Variants in CRYBG3 observed in about 807,000 individuals in gnomAD.
CRYBG3 encodes crystallin beta-gamma domain containing 3.
CRYBG3 carries 127 observed loss-of-function variants against 244.2 expected under a neutral mutation model. That is an observed-to-expected ratio of 0.52 (90% CI 0.45 to 0.60). The LOEUF is 0.60. Ranked by LOEUF, CRYBG3 falls within the 20% of genes least tolerant of loss-of-function variation. CRYBG3 has a pLI of 0.00. For missense variants in CRYBG3, 3,325 were observed against 3,442.5 expected, an observed-to-expected ratio of 0.97 and a Z score of 0.85; for synonymous variants, 1,132 against 1,195.8, an observed-to-expected ratio of 0.95 and a Z score of 1.10.
rs528142107 is a variant in CRYBG3, at chr3:97,894,701, T to C, written c.7575-1258T>C. On this transcript the variant is annotated intron_variant, in intron 11 of 21. Coordinates refer to ENST00000389622, the MANE Select transcript of CRYBG3 (RefSeq NM_153605.4). ...TTAAGGTCTTTTATACCTTTTATTT[T>C]TTTTCCCATTCAGATATAAATAAAA... Among the ~76,000 whole-genome samples the C allele has an allele frequency of 5.9e-5, 9 of 152,282 alleles. 1 individual carries two copies. Among genetic ancestry groups the C allele is most frequent in the African/African-American group, 2.2e-4 (9 of 41,548 alleles).
In CRYBG3 at chr3:97,873,862, A is replaced by C. The variant is rs749227570; in HGVS notation, c.2668A>C (p.Asn890His). 6.5e-7 allele frequency: 1 copy of C among 1,535,522 alleles called. No homozygotes were observed. Among genetic ancestry groups the C allele is most frequent in the Non-Finnish European group, 8.7e-7 (1 of 1,146,704 alleles). The part of the protein sequence containing the change: ...VEQGKRFQSI[N>H]HNEIGEKCSD... ...ACAGGGCAAACGTTTTCAATCAATT[A>C]ATCATAATGAGATAGGAGAGAAATG... Residue 890 changes from asparagine to histidine, a missense_variant, in exon 4 of 22, where the codon AAT becomes CAT. Asn to His is a moderately conservative substitution (Grantham distance 68). Transcript: ENST00000389622.
intron 7 of CRYBG3, among the ~76,000 whole-genome samples, chr3:97,885,575 A>C (rs936480705): frequency 1.3e-5 from 2 of 152,154 alleles, no homozygotes; most frequent in African/African-American, 4.8e-5. Context: ...AGAAGGGATA[A>C]GGTCTTTTTT....
chr3:97,853,103 C>T (rs1384514454), intron 2 of CRYBG3, among the ~76,000 whole-genome samples: 1 of 151,922 alleles, frequency 6.6e-6, no homozygotes, highest in Non-Finnish European at 1.5e-5. Context: ...TTTTGGTATA[C>T]CCATCACCCA....
intron 2 of CRYBG3, among the ~76,000 whole-genome samples, chr3:97,858,165 G>A: frequency 7.2e-6 from 1 of 139,830 alleles, no homozygotes; most frequent in East Asian, 2.0e-4. Context: ...TTTTAGTTGA[G>A]TTTTTTTTTT....
chr3:97,853,075 T>C (rs1396199373), intron 2 of CRYBG3, among the ~76,000 whole-genome samples: 5 of 152,172 alleles, frequency 3.3e-5, no homozygotes, highest in Non-Finnish European at 7.3e-5. Context: ...ATAAGTACTT[T>C]AGTGGTGATT....
rs112404401 is a variant in CRYBG3 at position 97,850,643 on chromosome 3, A to G, written c.216+7382A>G. ...CTACCTTGCCTGTTGTCATTTTCTA[A>G]TGAAAAGAATAACTCTGTGATAACG... On this transcript the variant is annotated intron_variant, in intron 2 of 21. Transcript: ENST00000389622. Among the ~76,000 whole-genome samples, 9 of 152,328 alleles carry G rather than the reference A, an allele frequency of 5.9e-5. 1 individual carries two copies. The highest frequency in any genetic ancestry group is 2.2e-4 in the African/African-American group (9 of 41,574).
At chr3:97,895,299 G>C (rs2039626927) in intron 11 of CRYBG3, among the ~76,000 whole-genome samples, 1 of 152,182 alleles carries the variant, frequency 6.6e-6, no homozygotes, top group African/African-American at 2.4e-5. Flanking sequence ...ATAACTCATG[G>C]TATTTATCAG....
At chr3:97,837,541 G>T (rs1481424612) in intron 1 of CRYBG3, among the ~76,000 whole-genome samples, 2 of 152,146 alleles carry the variant, frequency 1.3e-5, no homozygotes, top group Non-Finnish European at 2.9e-5. Context: ...TCTCAAGTGG[G>T]AGGATAATTT....
At chr3:97,908,465 C>T (rs2039805707) in intron 15 of CRYBG3, among the ~76,000 whole-genome samples, 1 of 152,164 alleles carries the variant, frequency 6.6e-6, no homozygotes, top group African/African-American at 2.4e-5. Context: ...GGACAGTTAG[C>T]TCTTCTTGTT....
intron 12 of CRYBG3, among the ~76,000 whole-genome samples, chr3:97,898,151 CA>C (rs1248015119): frequency 6.7e-6 from 1 of 149,824 alleles, no homozygotes; most frequent in African/African-American, 2.5e-5. Flanking sequence ...ACCTGGGAGG[CA>C]GAGGTTGCAG....
intron 12 of CRYBG3, among the ~76,000 whole-genome samples, chr3:97,898,292 T>G (rs2039662736): frequency 6.6e-6 from 1 of 152,114 alleles, no homozygotes; most frequent in African/African-American, 2.4e-5. Context: ...ACTAATGAAA[T>G]TAGACATTTG....
At chr3:97,828,297 A>C (rs953743805) in intron 1 of CRYBG3, among the ~76,000 whole-genome samples, 16 of 152,178 alleles carry the variant, frequency 1.1e-4, no homozygotes, top group Non-Finnish European at 2.4e-4. Context: ...ATTTCAGGGA[A>C]TTCCACTGAA....
chr3:97,914,623 A>G (rs2039907712), intron 16 of CRYBG3, among the ~76,000 whole-genome samples: 1 of 152,120 alleles, frequency 6.6e-6, no homozygotes, highest in Non-Finnish European at 1.5e-5. Context: ...CAGCTTCCTC[A>G]TCTGTAAAGG....
In CRYBG3 at chr3:97,842,231, T is replaced by C. The variant is rs2038829973; in HGVS notation, c.150-964T>C. 2.6e-5 allele frequency among the ~76,000 whole-genome samples: 4 copies of C among 152,152 alleles called. No homozygotes were observed. In the South Asian group the frequency reaches 8.3e-4, roughly 31 times the overall value. ...CTTAATTTGTCTAGTATTATGAAAG[T>C]ATGAAAACAGGATAATGTTTGAACA... On this transcript the variant is annotated intron_variant, in intron 1 of 21. Transcript: ENST00000389622.
intron 17 of CRYBG3, among the ~76,000 whole-genome samples, chr3:97,925,151 A>G (rs1278683269): frequency 6.6e-6 from 1 of 152,040 alleles, no homozygotes; most frequent in African/African-American, 2.4e-5. Flanking sequence ...TAATTAGAAG[A>G]GCTCTTTCAA....
intron 17 of CRYBG3, chr3:97,924,235 G>A (rs778067288): frequency 4.6e-5 from 15 of 327,946 alleles, no homozygotes; most frequent in Non-Finnish European, 7.6e-5. Flanking sequence ...CATGGAAAAA[G>A]ATAGTTAGAA....
chr3:97,878,066 A>AC, intron 4 of CRYBG3, 29 bp downstream of exon 4: 2 of 1,537,316 alleles, frequency 1.3e-6, no homozygotes, highest in African/African-American at 1.4e-5. Flanking sequence ...TGTATTAATA[A>AC]TAGTTATTAA....
chr3:97,837,228 G>A (rs75642823), intron 1 of CRYBG3: 3,906 of 152,284 alleles, frequency 0.026, 80 homozygotes, highest in African/African-American at 0.05. Flanking sequence ...TGGAAGACTG[G>A]GGTATTATTT....
intron 2 of CRYBG3, among the ~76,000 whole-genome samples, chr3:97,863,920 G>A (rs949614320): frequency 6.6e-6 from 1 of 152,080 alleles, no homozygotes; most frequent in Non-Finnish European, 1.5e-5. Flanking sequence ...CCTCTAGGAA[G>A]CATCCCCCAA....
Sources: gnomAD v4.1 joint callset for allele counts (sites outside exome capture counted in the v4.1 genomes callset) on GRCh38, gnomAD v4.1.1 for gene constraint, MANE v1.5 for transcripts, NCBI Gene and HGNC (gene_info 2026-07-23, HGNC 2026-07-21) for gene names.